Variants in ELAVL4 observed in about 807,000 individuals in gnomAD.
The protein encoded by ELAVL4 is ELAV-like protein 4.
In ELAVL4, 1 loss-of-function variant was observed where a neutral mutation model predicts 35.6. The observed-to-expected ratio is 0.03, with a 90% CI of 0.01 to 0.13. ELAVL4 has a LOEUF of 0.13. Among genes scored for constraint, ELAVL4 ranks in the 10% least tolerant of loss-of-function variants. The probability of loss-of-function intolerance (pLI) is 1.00; values close to 1 mark genes in which losing one functional copy is unlikely to be tolerated. For synonymous variants in ELAVL4, 156 were observed against 171.0 expected, an observed-to-expected ratio of 0.91 and a Z score of 0.69; for missense variants, 267 against 464.9, an observed-to-expected ratio of 0.57 and a Z score of 3.91.
At chr1:50,153,175 G>C (rs890331824) in intron 2 of ELAVL4, among the ~76,000 whole-genome samples, 4 of 152,172 alleles carry the variant, frequency 2.6e-5, no homozygotes, top group Non-Finnish European at 5.9e-5. Flanking sequence ...GGGAAGTGGA[G>C]GTTGTTTTGT....
intron 1 of ELAVL4, among the ~76,000 whole-genome samples, chr1:50,115,959 A>T (rs920134900): frequency 1.3e-5 from 2 of 152,170 alleles, no homozygotes; most frequent in Non-Finnish European, 2.9e-5. Flanking sequence ...GGCACATTGC[A>T]CAATGAGGTT....
In ELAVL4 at chr1:50,127,460, G is replaced by A. The variant is rs11585270; in HGVS notation, c.10-17497G>A. Among the ~76,000 whole-genome samples, 1,227 of 152,166 alleles carry A rather than the reference G, an allele frequency of 8.1e-3. 8 individuals carry two copies. The highest frequency in any genetic ancestry group is 0.011 in the Non-Finnish European group (752 of 67,986). On this transcript the variant is annotated intron_variant, in intron 1 of 6. Coordinates refer to ENST00000371824, the MANE Select transcript of ELAVL4 (RefSeq NM_001144774.3). ...GCAGGGTAATTTAGATGGTGATGGC[G>A]AAAGCATTTCAGTGGACATATATGC...
Position 50,077,781 on chromosome 1 carries a change from A to T in ELAVL4, c.18+29599A>T, listed in dbSNP as rs550292407. Reference sequence around the variant, plus strand: ...TAATGATAATAGCTTAATTTTATCCAGTGCTTCCCATATCCCAATTATTAT... The same window carrying T: ...TAATGATAATAGCTTAATTTTATCCTGTGCTTCCCATATCCCAATTATTAT... On this transcript the variant is annotated intron_variant, in intron 1 of 6. Transcript: ENST00000448907. 7.2e-5 allele frequency among the ~76,000 whole-genome samples: 11 copies of T among 152,324 alleles called. No homozygotes were observed. In the South Asian group the frequency reaches 2.3e-3, roughly 32 times the overall value.
At chr1:50,199,515 G>A (rs960679065) in intron 6 of ELAVL4, among the ~76,000 whole-genome samples, 3 of 152,108 alleles carry the variant, frequency 2.0e-5, no homozygotes, top group Admixed American at 6.5e-5. Context: ...AGACCAGCCT[G>A]GCCAACATGG....
chr1:50,188,568 G>A (rs1182240764), intron 3 of ELAVL4, among the ~76,000 whole-genome samples: 1 of 152,170 alleles, frequency 6.6e-6, no homozygotes, highest in Admixed American at 6.5e-5. Context: ...TGGGTTGCAT[G>A]GACACAGTGG....
At chr1:50,165,308 C>A (rs188030292) in intron 2 of ELAVL4, among the ~76,000 whole-genome samples, 2 of 151,976 alleles carry the variant, frequency 1.3e-5, no homozygotes, top group African/African-American at 4.8e-5. Context: ...CTGGCTACCA[C>A]CCTTCAATCA....
At chr1:50,101,521 A>G (rs1665977966), upstream of ELAVL4, among the ~76,000 whole-genome samples, 2 of 152,246 alleles carry the variant, frequency 1.3e-5, no homozygotes, top group East Asian at 1.9e-4. Context: ...TAATCTTGCT[A>G]TTTTTTAGTT....
intron 1 of ELAVL4, among the ~76,000 whole-genome samples, chr1:50,136,783 T>C: frequency 6.6e-6 from 1 of 152,166 alleles, no homozygotes; most frequent in East Asian, 1.9e-4. Context: ...TCTTTCCTCT[T>C]GATCCTTTCG....
chr1:50,156,091 G>GCA (rs1049019147), intron 2 of ELAVL4, among the ~76,000 whole-genome samples: 1 of 151,560 alleles, frequency 6.6e-6, no homozygotes, highest in African/African-American at 2.4e-5. Flanking sequence ...GCGCACGCAG[G>GCA]CACACACACA....
chr1:50,109,016 C>CGGGCCGG lies in ELAVL4; in HGVS notation c.-174_-173insGGGCCGG. On this transcript the variant is annotated 5_prime_UTR_variant, in exon 1 of 7. Coordinates refer to ENST00000371824, the MANE Select transcript of ELAVL4 (RefSeq NM_001144774.3). ...CTCCTTTTCTTTTTTTTCTTTCTCT[C>CGGGCCGG]CCCCGCCCACCCCCCCAAAAATAAT... The CGGGCCGG allele has an allele frequency of 2.2e-6, 2 of 905,778 alleles. No individual in the cohort carries two copies. The highest frequency in any genetic ancestry group is 2.6e-6 in the Non-Finnish European group (2 of 761,394). The allele number at this position is 905,778 out of a possible 1,614,324, so 56.1% of individuals were successfully genotyped here. A position where few individuals can be genotyped will look rare whatever the true frequency, so the allele number is the denominator to read the frequency against.
At chr1:50,111,159 G>T (rs1667006964) in intron 1 of ELAVL4, among the ~76,000 whole-genome samples, 1 of 151,632 alleles carries the variant, frequency 6.6e-6, no homozygotes, top group Admixed American at 6.6e-5. Context: ...GTGTGTGCGC[G>T]TGTGGTTTTT....
chr1:50,110,664 GTAT>G (rs1260030559), intron 1 of ELAVL4, among the ~76,000 whole-genome samples: 1 of 152,112 alleles, frequency 6.6e-6, no homozygotes, highest in Non-Finnish European at 1.5e-5. Context: ...TCAGAGCTGG[GTAT>G]GGGGGCAGGC....
chr1:50,110,997 T>C (rs1397293982), intron 1 of ELAVL4, among the ~76,000 whole-genome samples: 2 of 152,024 alleles, frequency 1.3e-5, no homozygotes, highest in African/African-American at 2.4e-5. Context: ...AGGACCTCGA[T>C]TATCTTTGCT....
At chr1:50,160,519 G>A (rs889896229) in intron 2 of ELAVL4, among the ~76,000 whole-genome samples, 1 of 152,056 alleles carries the variant, frequency 6.6e-6, no homozygotes, top group East Asian at 1.9e-4. Flanking sequence ...TTCATGCCTG[G>A]CACTTTACTA....
intron 1 of ELAVL4, among the ~76,000 whole-genome samples, chr1:50,143,658 A>G (rs1319476191): frequency 1.3e-5 from 2 of 152,154 alleles, no homozygotes; most frequent in Non-Finnish European, 2.9e-5. Context: ...TTCATTTCCA[A>G]GGAGTTGATG....
At chr1:50,110,002 CCTGT>C in intron 1 of ELAVL4, 1 of 1,605,272 alleles carries the variant, frequency 6.2e-7, no homozygotes, top group Non-Finnish European at 8.5e-7. Context: ...AGGTCCCAGC[CCTGT>C]GTGTGTGTGT....
chr1:50,159,671 G>A (rs1300568377), intron 2 of ELAVL4, among the ~76,000 whole-genome samples: 6 of 151,912 alleles, frequency 3.9e-5, no homozygotes, highest in Non-Finnish European at 5.9e-5. Context: ...GTGCTAACAC[G>A]ACGTGAAAAG....
intron 3 of ELAVL4, among the ~76,000 whole-genome samples, chr1:50,192,519 GCACACACACACACA>G (rs5774068): frequency 6.1e-4 from 85 of 140,444 alleles, no homozygotes; most frequent in African/African-American, 1.9e-3. Context: ...TTGTGTGCAC[GCACACACACACACA>G]CACACACACA....
intron 1 of ELAVL4, among the ~76,000 whole-genome samples, chr1:50,124,840 G>A (rs1287269380): frequency 1.3e-5 from 2 of 152,074 alleles, no homozygotes; most frequent in Non-Finnish European, 1.5e-5. Context: ...TAGGGTTGTT[G>A]TGAGGATGTG....
Sources: gnomAD v4.1 joint callset for allele counts (sites outside exome capture counted in the v4.1 genomes callset) on GRCh38, gnomAD v4.1.1 for gene constraint, MANE v1.5 for transcripts, NCBI Gene and HGNC (gene_info 2026-07-23, HGNC 2026-07-21) for gene names.